Variants in PALM2AKAP2 observed in about 807,000 individuals in gnomAD.
PALM2AKAP2 encodes PALM2 and AKAP2 fusion.
Under a neutral mutation model 71.5 loss-of-function variants are expected in PALM2AKAP2, and 37 were observed. The ratio of observed to expected loss-of-function variants is 0.52; its 90% CI spans 0.40 to 0.68. The LOEUF (loss-of-function observed/expected upper bound fraction) is 0.68, where lower values mean the gene tolerates loss of function less well. Among genes scored for constraint, PALM2AKAP2 ranks in the 30% least tolerant of loss-of-function variants. The probability of loss-of-function intolerance (pLI) is 0.00; values close to 1 mark genes in which losing one functional copy is unlikely to be tolerated. For synonymous variants in PALM2AKAP2, 468 were observed against 478.8 expected, an observed-to-expected ratio of 0.98 and a Z score of 0.29; for missense variants, 1,224 against 1,191.8, an observed-to-expected ratio of 1.03 and a Z score of -0.40.
At chr9:109,733,744 A>G (rs1304902801) in intron 1 of PALM2AKAP2, among the ~76,000 whole-genome samples, 1 of 152,188 alleles carries the variant, frequency 6.6e-6, no homozygotes, top group Non-Finnish European at 1.5e-5. Flanking sequence ...TGGGGGAATC[A>G]ATCTGAAAAT....
At chr9:109,685,991 G>T (rs1827800950) in intron 1 of PALM2AKAP2, among the ~76,000 whole-genome samples, 1 of 152,086 alleles carries the variant, frequency 6.6e-6, no homozygotes, top group Non-Finnish European at 1.5e-5. Context: ...TTCACCAGGA[G>T]TAGATTCCAA....
At chr9:109,875,503 G>T (rs192851755) in intron 2 of PALM2AKAP2, among the ~76,000 whole-genome samples, 2 of 152,294 alleles carry the variant, frequency 1.3e-5, no homozygotes, top group East Asian at 3.9e-4. Context: ...CTGAGTTGGG[G>T]ACACAGAAGG....
intron 6 of PALM2AKAP2, among the ~76,000 whole-genome samples, chr9:109,975,418 A>G (rs1588040596): frequency 6.6e-6 from 1 of 152,212 alleles, no homozygotes; most frequent in African/African-American, 2.4e-5. Flanking sequence ...AACAAATTGG[A>G]TGATTGCCCA....
rs149672913 is a variant in PALM2AKAP2 at position 110,023,305 on chromosome 9, C to CTTTTTTTTTTTTTTTTTTTTTTTT, written c.582+7269_582+7292dup. On this transcript the variant is annotated intron_variant, in intron 7 of 9. Transcript: ENST00000302798. ...GTGAGATGGTATCTCATTGTGGTTT[C>CTTTTTTTTTTTTTTTTTTTTTTTT]TTTTTTTTTTTTTTTTTTTTTTTTT... 5.4e-5 allele frequency among the ~76,000 whole-genome samples: 4 copies of CTTTTTTTTTTTTTTTTTTTTTTTT among 74,046 alleles called. 1 individual carries two copies. Among genetic ancestry groups the CTTTTTTTTTTTTTTTTTTTTTTTT allele is most frequent in the African/African-American group, 2.5e-4 (4 of 16,188 alleles). The allele number at this position is 74,046 out of a possible 152,430, so 48.6% of individuals were successfully genotyped here.
chr9:109,722,567 C>T (rs751070466), intron 1 of PALM2AKAP2, among the ~76,000 whole-genome samples: 6 of 152,106 alleles, frequency 3.9e-5, no homozygotes, highest in Non-Finnish European at 8.8e-5. Context: ...AATCCAGGAG[C>T]TCAATACTAG....
At chr9:109,809,636 G>T (rs1383137803) in intron 1 of PALM2AKAP2, among the ~76,000 whole-genome samples, 1 of 152,206 alleles carries the variant, frequency 6.6e-6, no homozygotes, top group Non-Finnish European at 1.5e-5. Context: ...AGACTTTGGG[G>T]GACTATTGGG....
Position 109,888,953 on chromosome 9 carries a change from G to A in PALM2AKAP2, c.257+8272G>A, listed in dbSNP as rs114781499. On this transcript the variant is annotated intron_variant, in intron 3 of 9. Transcript: ENST00000302798. ...ATAAAACATGTCTCCAGACATTGCT[G>A]AATGTTGCCTTGGGGGACAAAATCT... Among the ~76,000 whole-genome samples the A allele has an allele frequency of 2.3e-3, 350 of 152,246 alleles. 2 individuals carry two copies. The highest frequency in any genetic ancestry group is 8.1e-3 in the African/African-American group (335 of 41,544).
At chr9:109,821,081 C>T (rs1381094963) in intron 1 of PALM2AKAP2, among the ~76,000 whole-genome samples, 3 of 152,176 alleles carry the variant, frequency 2.0e-5, no homozygotes, top group African/African-American at 7.2e-5. Flanking sequence ...AAAGTGCTCC[C>T]CTGTCCCCAT....
At chr9:109,930,345 C>T (rs1460850332) in intron 5 of PALM2AKAP2, among the ~76,000 whole-genome samples, 1 of 152,112 alleles carries the variant, frequency 6.6e-6, no homozygotes, top group Non-Finnish European at 1.5e-5. Flanking sequence ...CCTGCCTCAG[C>T]CCCTCTAGTA....
chr9:109,741,949 A>G (rs914964450), intron 1 of PALM2AKAP2, among the ~76,000 whole-genome samples: 2 of 152,194 alleles, frequency 1.3e-5, no homozygotes, highest in Admixed American at 6.5e-5. Context: ...AGGCAATAAT[A>G]GTTGTCTTGC....
chr9:109,836,871 C>T (rs557224492), intron 1 of PALM2AKAP2, among the ~76,000 whole-genome samples: 4 of 152,274 alleles, frequency 2.6e-5, no homozygotes, highest in Admixed American at 6.5e-5. Context: ...AAGGAATGTG[C>T]GACTATGTGA....
chr9:109,935,761 T>A (rs77565636), intron 6 of PALM2AKAP2, among the ~76,000 whole-genome samples: 2,016 of 152,270 alleles, frequency 0.013, 43 homozygotes, highest in African/African-American at 0.046. Flanking sequence ...TGTTCAAGAT[T>A]CTTGAGACAA....
At chr9:109,852,395 A>G (rs1396217056) in intron 1 of PALM2AKAP2, among the ~76,000 whole-genome samples, 1 of 152,150 alleles carries the variant, frequency 6.6e-6, no homozygotes, top group Non-Finnish European at 1.5e-5. Context: ...GCTGTGTAGT[A>G]TTCCATGGTG....
At chr9:109,897,761 A>G (rs2131837807) in intron 3 of PALM2AKAP2, among the ~76,000 whole-genome samples, 1 of 152,372 alleles carries the variant, frequency 6.6e-6, no homozygotes, top group African/African-American at 2.4e-5. Context: ...ACTTCATTCA[A>G]TATGAAAAGC....
chr9:110,151,468 C>G (rs1241515318), intron 2 of PALM2AKAP2, among the ~76,000 whole-genome samples: 1 of 152,218 alleles, frequency 6.6e-6, no homozygotes, highest in Non-Finnish European at 1.5e-5. Context: ...AGCACTAAAA[C>G]CAGAAGTCCT....
At chr9:109,850,969 A>G (rs186969545) in intron 1 of PALM2AKAP2, among the ~76,000 whole-genome samples, 6 of 152,160 alleles carry the variant, frequency 3.9e-5, no homozygotes, top group Non-Finnish European at 7.4e-5. Flanking sequence ...CGAGGTCAGG[A>G]GATCAAGACC....
chr9:110,017,025 G>T (rs144435255), intron 7 of PALM2AKAP2, among the ~76,000 whole-genome samples: 1 of 152,056 alleles, frequency 6.6e-6, no homozygotes, highest in Non-Finnish European at 1.5e-5. Context: ...GACTACAGGC[G>T]CCAGCCACCG....
intron 1 of PALM2AKAP2, among the ~76,000 whole-genome samples, chr9:109,800,903 A>C (rs1274818067): frequency 6.6e-6 from 1 of 152,250 alleles, no homozygotes; most frequent in Non-Finnish European, 1.5e-5. Flanking sequence ...TTAGGACTCA[A>C]AGCCTTGATA....
At position 109,963,807 on chromosome 9, in the gene PALM2AKAP2, G is replaced by A. The variant is rs563229455; in HGVS notation, c.496+31779G>A. 7.6e-4 allele frequency among the ~76,000 whole-genome samples: 116 copies of A among 152,222 alleles called. 1 individual carries two copies. The highest frequency in any genetic ancestry group is 1.4e-3 in the Non-Finnish European group (96 of 68,040). On this transcript the variant is annotated intron_variant, in intron 6 of 9. Coordinates refer to the PALM2AKAP2 transcript ENST00000302798. ...TCTGCATCTGTCTTCCCAAGGATGG[G>A]CCACTCTGAAGGGTGTACCAAAGGG...
Sources: allele counts gnomAD v4.1 joint callset (sites outside exome capture counted in the v4.1 genomes callset), GRCh38; gene constraint gnomAD v4.1.1; transcripts MANE v1.5; gene names NCBI Gene and HGNC (gene_info 2026-07-23, HGNC 2026-07-21).